Variants in CACNA1H observed in about 807,000 individuals in gnomAD.
CACNA1H encodes voltage-dependent T-type calcium channel subunit alpha-1H.
In CACNA1H, 149 loss-of-function variants were observed where a neutral mutation model predicts 192.5. That is an observed-to-expected ratio of 0.77 (90% CI 0.68 to 0.89). The LOEUF is 0.89. Among genes scored for constraint, CACNA1H ranks in the 40% least tolerant of loss-of-function variants. CACNA1H has a pLI of 0.00. For missense variants in CACNA1H, 4,257 were observed against 3,423.5 expected, an observed-to-expected ratio of 1.24 and a Z score of -6.08; for synonymous variants, 2,202 against 1,475.2, an observed-to-expected ratio of 1.49 and a Z score of -11.29.
Position 1,218,220 on chromosome 16 carries a change from G to A in CACNA1H, c.5456G>A (p.Arg1819His), listed in dbSNP as rs1244044913. Residue 1819 changes from arginine (R) to histidine (H), a missense_variant, in exon 33 of 35, where the codon CGC (arginine) becomes CAC (histidine). Transcript: ENST00000348261. ...NWNGIMKDTL[R>H]ECSREDKHCL... ...TGTCCCCCACCGCAGGACACGCTGC[G>A]CGAGTGCTCCCGTGAGGACAAGCAC... 7 of 1,549,488 alleles carry A rather than the reference G, an allele frequency of 4.5e-6. No homozygotes were observed. Among genetic ancestry groups the A allele is most frequent in the South Asian group, 2.4e-5 (2 of 84,032 alleles).
At chr16:1,154,644 G>C (rs1006016603) in intron 2 of CACNA1H, among the ~76,000 whole-genome samples, 1 of 152,154 alleles carries the variant, frequency 6.6e-6, no homozygotes, top group East Asian at 1.9e-4. Context: ...TAAGTCATGC[G>C]CAGCTGAAGG....
At chr16:1,175,061 C>G (rs555480828) in intron 2 of CACNA1H, among the ~76,000 whole-genome samples, 2 of 152,094 alleles carry the variant, frequency 1.3e-5, no homozygotes, top group Non-Finnish European at 2.9e-5. Flanking sequence ...AGGAGTCCTA[C>G]TCTACGCACA....
At chr16:1,187,292 C>T (rs1966168953) in intron 2 of CACNA1H, among the ~76,000 whole-genome samples, 1 of 152,256 alleles carries the variant, frequency 6.6e-6, no homozygotes, top group Non-Finnish European at 1.5e-5. Flanking sequence ...CTACCCAGGG[C>T]AGGGAGGGGT....
At chr16:1,216,308 C>A (rs1970022984) in intron 30 of CACNA1H, among the ~76,000 whole-genome samples, 1 of 152,250 alleles carries the variant, frequency 6.6e-6, no homozygotes, top group Non-Finnish European at 1.5e-5. Flanking sequence ...AAGTAACACT[C>A]CCGAGGGCCA....
intron 2 of CACNA1H, among the ~76,000 whole-genome samples, chr16:1,189,183 C>A (rs72775434): frequency 2.0e-5 from 3 of 151,598 alleles, no homozygotes; most frequent in African/African-American, 7.3e-5. Context: ...GTTCTCCTCC[C>A]GGAGACTGAG....
chr16:1,211,172 A>G lies in CACNA1H; in HGVS notation c.4228A>G (p.Ile1410Val). 1.9e-6 allele frequency: 3 copies of G among 1,612,766 alleles called. No homozygotes were observed. The highest frequency in any genetic ancestry group is 2.5e-6 in the Non-Finnish European group (3 of 1,179,740). ...LLRTLRPLRVISRAPGLKLVV... is the reference protein window; with the variant it reads ...LLRTLRPLRVVSRAPGLKLVV... ...GTATCCTTCACTCCCCTCCAGGGTCATCAGCCGGGCCCCGGGCCTCAAGCT... is the reference window on the plus strand; with the variant it reads ...GTATCCTTCACTCCCCTCCAGGGTCGTCAGCCGGGCCCCGGGCCTCAAGCT... Residue 1410 changes from isoleucine to valine, a missense_variant, in exon 22 of 35, where the codon ATC becomes GTC. By Grantham distance (29) the Ile-to-Val change is conservative (BLOSUM62 3). Coordinates refer to ENST00000348261, the MANE Select transcript of CACNA1H (RefSeq NM_021098.3).
chr16:1,209,240 C>A lies in CACNA1H; in HGVS notation c.3572C>A (p.Thr1191Asn), dbSNP rs1161313065. Residue 1191 changes from threonine (T) to asparagine (N), a missense_variant, in exon 17 of 35, where the codon ACC becomes AAC. Physicochemically the swap from Thr to Asn is moderately conservative, Grantham distance 65. Transcript: ENST00000348261. ...AGGGCCGCGCCCGGGCCCCGTGCCA[C>A]CCCACTGCGGCGGGCCGAGTCCCTG... ...DGRAAPGPRA[T>N]PLRRAESLDP... The A allele has an allele frequency of 6.5e-7, 1 of 1,545,910 alleles. No individual in the cohort carries two copies. Among genetic ancestry groups the A allele is most frequent in the Non-Finnish European group, 8.7e-7 (1 of 1,147,934 alleles).
intron 30 of CACNA1H, 128 bp downstream of exon 30, chr16:1,215,721 G>C: frequency 1.3e-6 from 1 of 741,450 alleles, no homozygotes; most frequent in South Asian, 1.7e-5. Context: ...CTGAAGCTGC[G>C]TCCCTGCTGT....
Position 1,193,871 on chromosome 16 carries a change from C to G in CACNA1H, c.300-1101C>G, listed in dbSNP as rs188823042. Among the ~76,000 whole-genome samples the G allele has an allele frequency of 4.8e-3, 734 of 152,158 alleles. 5 individuals are homozygous for G. Among genetic ancestry groups the G allele is most frequent in the African/African-American group, 0.015 (640 of 41,516 alleles). On this transcript the variant is annotated intron_variant, in intron 2 of 34. Transcript: ENST00000348261. The stretch of plus-strand genomic sequence containing the variant: ...GACAGGTGGGGGCAGGGAAGGCCCT[C>G]GTCACCAAGCCTGTTCCCCTCCTAC...
At position 1,201,744 on chromosome 16, in the gene CACNA1H, C is replaced by T; in HGVS notation, c.1294C>T (p.Leu432=). ...GGAGACGAAGCAGCGGGAGAGTCAG[C>T]TGATGCGGGAGCAGCGGGCACGCCA... The part of the protein sequence containing the change: ...FSETKQRESQ[L]MREQRARHLS... Residue 432 remains leucine (L), a synonymous_variant, in exon 9 of 35, where the codon CTG becomes TTG. Coordinates refer to ENST00000348261, the MANE Select transcript of CACNA1H (RefSeq NM_021098.3). 6.2e-7 allele frequency: 1 copy of T among 1,610,134 alleles called. No homozygotes were observed. The highest frequency in any genetic ancestry group is 8.5e-7 in the Non-Finnish European group (1 of 1,178,904).
intron 8 of CACNA1H, 130 bp downstream of exon 8, chr16:1,200,938 G>A (rs983295856): frequency 9.7e-6 from 7 of 721,254 alleles, no homozygotes; most frequent in Admixed American, 2.1e-5. Flanking sequence ...AGGGGAGGGA[G>A]GCAGAGCTTG....
chr16:1,182,277 G>A (rs1168948440), intron 2 of CACNA1H, among the ~76,000 whole-genome samples: 3 of 152,310 alleles, frequency 2.0e-5, no homozygotes, highest in South Asian at 2.1e-4. Context: ...GGCCAGGGCC[G>A]CTCTCTGTGG....
intron 9 of CACNA1H, 62 bp from the exon 10 acceptor site, chr16:1,203,948 T>A: frequency 7.7e-7 from 1 of 1,293,136 alleles, no homozygotes; most frequent in Admixed American, 2.5e-5. Context: ...GTGTGAGGGT[T>A]CCCGGGCCCT....
chr16:1,217,777 G>A, intron 31 of CACNA1H, 142 bp from the exon 32 acceptor site: 1 of 1,159,498 alleles, frequency 8.6e-7, no homozygotes, highest in Non-Finnish European at 1.2e-6. Context: ...GCCAGGCAGG[G>A]CGAACCGCCA....
At chr16:1,163,037 C>G (rs897447052) in intron 2 of CACNA1H, among the ~76,000 whole-genome samples, 1 of 152,238 alleles carries the variant, frequency 6.6e-6, no homozygotes, top group African/African-American at 2.4e-5. Context: ...GGACCTTGGG[C>G]TCGTCTGACT....
chr16:1,155,435 T>C (rs781042713), intron 2 of CACNA1H, among the ~76,000 whole-genome samples: 8 of 152,168 alleles, frequency 5.3e-5, no homozygotes, highest in Non-Finnish European at 8.8e-5. Context: ...CCCTTTGTTC[T>C]GGTAGGAGGT....
intron 2 of CACNA1H, among the ~76,000 whole-genome samples, chr16:1,155,446 G>A: frequency 6.6e-6 from 1 of 152,216 alleles, no homozygotes; most frequent in Non-Finnish European, 1.5e-5. Flanking sequence ...GGTAGGAGGT[G>A]ACTGGGTGTG....
chr16:1,210,335 C>T (rs1204311823), intron 18 of CACNA1H, 35 bp from the exon 19 acceptor site: 2 of 1,248,234 alleles, frequency 1.6e-6, no homozygotes, highest in East Asian at 2.5e-5. Context: ...TCCACGCCGC[C>T]CCGCCCCACC....
intron 2 of CACNA1H, among the ~76,000 whole-genome samples, chr16:1,184,056 C>G (rs1010628122): frequency 6.6e-6 from 1 of 152,206 alleles, no homozygotes; most frequent in East Asian, 1.9e-4. Context: ...CCTGGCCCAT[C>G]AGGCCTAGGT....
Sources: gnomAD v4.1 joint callset for allele counts (sites outside exome capture counted in the v4.1 genomes callset) on GRCh38, gnomAD v4.1.1 for gene constraint, MANE v1.5 for transcripts, NCBI Gene and HGNC (gene_info 2026-07-23, HGNC 2026-07-21) for gene names.